Variants in KANK1 observed in about 807,000 individuals in gnomAD.
KANK1 encodes the protein KN motif and ankyrin repeat domain-containing protein 1.
Under a neutral mutation model 106.2 loss-of-function variants are expected in KANK1, and 109 were observed. The observed-to-expected ratio is 1.03, with a 90% CI of 0.88 to 1.20. The LOEUF (loss-of-function observed/expected upper bound fraction) is 1.20. KANK1 is among the 50% of genes most tolerant of loss of function. The pLI is 0.00. For synonymous variants in KANK1, 873 were observed against 652.2 expected, an observed-to-expected ratio of 1.34 and a Z score of -5.16; for missense variants, 2,399 against 1,710.7, an observed-to-expected ratio of 1.40 and a Z score of -7.10.
intron 1 of KANK1, among the ~76,000 whole-genome samples, chr9:672,506 TAGTA>T (rs927024988): frequency 2.8e-4 from 43 of 152,346 alleles, no homozygotes; most frequent in Middle Eastern, 3.4e-3. Flanking sequence ...CAATAACTAA[TAGTA>T]AGAGGTCTAT....
chr9:546,580 C>G lies in KANK1; in HGVS notation c.-84+41826C>G, dbSNP rs536911861. On this transcript the variant is annotated intron_variant, in intron 1 of 11. Coordinates refer to ENST00000382297, the MANE Select transcript of KANK1 (RefSeq NM_015158.5). Reference sequence around the variant, plus strand: ...AGTTTTCACCTTGCCTCTCCTACCTCTCTACCATAGAACTCTTACTCATCA... The same window carrying G: ...AGTTTTCACCTTGCCTCTCCTACCTGTCTACCATAGAACTCTTACTCATCA... 2.0e-5 allele frequency among the ~76,000 whole-genome samples: 3 copies of G among 152,196 alleles called. No homozygotes were observed. The South Asian group carries it at 6.2e-4, about 32-fold the overall frequency.
chr9:526,907 G>A (rs113030565), intron 1 of KANK1, among the ~76,000 whole-genome samples: 2,306 of 151,590 alleles, frequency 0.015, 37 homozygotes, highest in Non-Finnish European at 0.021. Flanking sequence ...CCCCCAACAC[G>A]TCTCTTCTCC....
intron 2 of KANK1, chr9:684,349 C>G (rs1818139414): frequency 3.0e-6 from 3 of 985,324 alleles, no homozygotes; most frequent in Non-Finnish European, 3.6e-6. Context: ...CAAAGAAACC[C>G]TTTGGTTGGG....
intron 1 of KANK1, among the ~76,000 whole-genome samples, chr9:560,213 G>C (rs28436256): frequency 0.25 from 38,175 of 152,058 alleles, 5,071 homozygotes; most frequent in Admixed American, 0.37. Flanking sequence ...ATTGGAGAGA[G>C]AATTTGGGTA....
At chr9:573,152 G>A (rs1402639646) in intron 1 of KANK1, among the ~76,000 whole-genome samples, 2 of 152,276 alleles carry the variant, frequency 1.3e-5, no homozygotes, top group East Asian at 3.9e-4. Flanking sequence ...CATTACCAAA[G>A]GACAGTCTCT....
intron 1 of KANK1, among the ~76,000 whole-genome samples, chr9:574,102 G>T (rs1219880453): frequency 6.6e-6 from 1 of 152,220 alleles, no homozygotes; most frequent in Non-Finnish European, 1.5e-5. Context: ...AGAAATCACT[G>T]ATGCATCACT....
upstream of KANK1, among the ~76,000 whole-genome samples, chr9:502,437 CT>C (rs1431130799): frequency 1.3e-5 from 2 of 152,078 alleles, no homozygotes; most frequent in African/African-American, 4.8e-5. Context: ...GTTTTGCTTA[CT>C]CTTGAGGGCC....
chr9:470,468 T>C (rs1276743682), intron 1 of KANK1: 3 of 152,244 alleles, frequency 2.0e-5, no homozygotes, highest in Non-Finnish European at 4.4e-5. Flanking sequence ...CCAAGTAAAG[T>C]AAAATCGTGG....
chr9:657,533 C>T (rs951066801), intron 1 of KANK1, among the ~76,000 whole-genome samples: 1 of 152,002 alleles, frequency 6.6e-6, no homozygotes, highest in Non-Finnish European at 1.5e-5. Context: ...CTACATGCTA[C>T]CGATGCTTTG....
chr9:693,439 G>A lies in KANK1; in HGVS notation c.37+16430G>A, dbSNP rs1436497938. The A allele has an allele frequency of 3.0e-6, 3 of 985,294 alleles. No homozygotes were observed. The African/African-American group carries it at 5.2e-5, about 17-fold the overall frequency. The allele number at this position is 985,294 out of a possible 1,614,324, so 61.0% of individuals were successfully genotyped here. A position where few individuals can be genotyped will look rare whatever the true frequency, so the allele number is the denominator to read the frequency against. On this transcript the variant is annotated intron_variant, in intron 2 of 11. Coordinates refer to ENST00000382297, the MANE Select transcript of KANK1 (RefSeq NM_015158.5). ...TCTTCCTAGAATTAACAGGCTTACA[G>A]CTGCATTTCTAGGTCAGCATTTCAT...
intron 1 of KANK1, among the ~76,000 whole-genome samples, chr9:676,004 T>C (rs1816342347): frequency 6.6e-6 from 1 of 152,200 alleles, no homozygotes; most frequent in African/African-American, 2.4e-5. Context: ...CTGGTGGGAA[T>C]GTTTTTTAGC....
chr9:671,363 G>C (rs570202263), intron 1 of KANK1, among the ~76,000 whole-genome samples: 1 of 152,002 alleles, frequency 6.6e-6, no homozygotes, highest in South Asian at 2.1e-4. Flanking sequence ...GAGTGTACTG[G>C]GGCCGGGCGC....
chr9:484,519 C>T (rs559869344), intron 3 of KANK1: 4 of 152,304 alleles, frequency 2.6e-5, no homozygotes, highest in Admixed American at 1.3e-4. Context: ...TCTCCCCTTG[C>T]CCTGGTAAAT....
At chr9:606,339 C>A (rs1325782914) in intron 1 of KANK1, among the ~76,000 whole-genome samples, 1 of 138,730 alleles carries the variant, frequency 7.2e-6, no homozygotes, top group Non-Finnish European at 1.5e-5. Flanking sequence ...GGCAAATCAC[C>A]TGAGGTCAGG....
rs1835782305 is a variant in KANK1 at position 742,205 on chromosome 9, G to A, written c.3697G>A (p.Ala1233Thr). 1.2e-6 allele frequency: 2 copies of A among 1,613,968 alleles called. No individual in the cohort carries two copies. The highest frequency in any genetic ancestry group is 1.3e-5 in the African/African-American group (1 of 75,034). The change falls in exon 10 of 12, where the codon GCG becomes ACG. Residue 1233 changes from alanine (A) to threonine (T), a missense_variant and splice_region_variant. Coordinates refer to ENST00000382297, the MANE Select transcript of KANK1 (RefSeq NM_015158.5). Reference protein sequence around the residue: ...CGDVNAKASQAGQTALMLAVS... With the variant: ...CGDVNAKASQTGQTALMLAVS... ...AAGTCCTTGTCATCTCTTCCCATAG[G>A]CGGGACAGACGGCCCTCATGCTGGC...
intron 1 of KANK1, among the ~76,000 whole-genome samples, chr9:580,234 C>A (rs1018890294): frequency 1.3e-5 from 2 of 151,812 alleles, no homozygotes; most frequent in African/African-American, 4.8e-5. Context: ...GTTCATTCCT[C>A]CCGGTGGGTT....
At chr9:691,654 C>T (rs1819962795) in intron 2 of KANK1, among the ~76,000 whole-genome samples, 1 of 137,568 alleles carries the variant, frequency 7.3e-6, no homozygotes, top group Non-Finnish European at 1.5e-5. Flanking sequence ...CACTCTGTCA[C>T]CCAGGCTGGA....
intron 1 of KANK1, among the ~76,000 whole-genome samples, chr9:579,181 T>G (rs1587983136): frequency 6.6e-6 from 1 of 152,212 alleles, no homozygotes; most frequent in East Asian, 1.9e-4. Flanking sequence ...GCTGGTGCCC[T>G]CCACGTAGCC....
intron 3 of KANK1, among the ~76,000 whole-genome samples, chr9:487,453 T>C (rs2058311934): frequency 6.6e-6 from 1 of 152,222 alleles, no homozygotes; most frequent in East Asian, 1.9e-4. Flanking sequence ...TAGATGTAAG[T>C]GCATTTTCAA....
Sources: allele counts gnomAD v4.1 joint callset (sites outside exome capture counted in the v4.1 genomes callset), GRCh38; gene constraint gnomAD v4.1.1; transcripts MANE v1.5; gene names NCBI Gene and HGNC (gene_info 2026-07-23, HGNC 2026-07-21).